Variants in RBFOX1 observed in about 807,000 individuals in gnomAD.
The protein encoded by RBFOX1 is RNA binding fox-1 homolog 1.
In RBFOX1, 8 loss-of-function variants were observed where a neutral mutation model predicts 57.7. The ratio of observed to expected loss-of-function variants is 0.14; its 90% CI spans 0.08 to 0.25. RBFOX1 has a LOEUF of 0.25. Ranked by LOEUF, RBFOX1 falls within the 10% of genes least tolerant of loss-of-function variation. The pLI is 1.00. For missense variants in RBFOX1, 611 were observed against 548.5 expected, an observed-to-expected ratio of 1.11 and a Z score of -1.14; for synonymous variants, 326 against 222.4, an observed-to-expected ratio of 1.47 and a Z score of -4.15.
At chr16:7,130,032 A>AC (rs764446227) in intron 4 of RBFOX1, among the ~76,000 whole-genome samples, 4 of 133,414 alleles carry the variant, frequency 3.0e-5, no homozygotes, top group Non-Finnish European at 6.4e-5. Flanking sequence ...ATTTTTGAAG[A>AC]TTTTTTTTTT....
In RBFOX1 at chr16:5,895,962, A is replaced by G. The variant is rs146420493; in HGVS notation, c.351+28627A>G. ...TCTGTATTCCTGAGCTTTCCAGGAAAGAGGGATGTGAAGGGAGGAGGAAGT... is the reference window on the plus strand; with the variant it reads ...TCTGTATTCCTGAGCTTTCCAGGAAGGAGGGATGTGAAGGGAGGAGGAAGT... On this transcript the variant is annotated intron_variant, in intron 4 of 19. Coordinates refer to the RBFOX1 transcript ENST00000641259. Among the ~76,000 whole-genome samples, 400 of 152,334 alleles carry G rather than the reference A, an allele frequency of 2.6e-3. 2 individuals carry two copies. The highest frequency in any genetic ancestry group is 9.3e-3 in the African/African-American group (387 of 41,574).
intron 10 of RBFOX1, among the ~76,000 whole-genome samples, chr16:7,612,498 G>A (rs11640652): frequency 0.55 from 83,534 of 151,150 alleles, 24,599 homozygotes; most frequent in East Asian, 0.83. Flanking sequence ...CAGGCCTCAT[G>A]TTATCTAGTG....
chr16:7,385,395 G>A (rs1427488164), intron 4 of RBFOX1, among the ~76,000 whole-genome samples: 1 of 152,164 alleles, frequency 6.6e-6, no homozygotes, highest in Non-Finnish European at 1.5e-5. Flanking sequence ...TTAACAGGCA[G>A]ATCTGGGAAA....
At chr16:7,231,143 A>G (rs1057280661) in intron 4 of RBFOX1, among the ~76,000 whole-genome samples, 8 of 152,218 alleles carry the variant, frequency 5.3e-5, no homozygotes, top group African/African-American at 1.7e-4. Context: ...TTTTGTCTCC[A>G]TGGTAGACAA....
intron 3 of RBFOX1, among the ~76,000 whole-genome samples, chr16:6,892,307 G>T (rs77856060): frequency 6.6e-6 from 1 of 152,070 alleles, no homozygotes; most frequent in African/African-American, 2.4e-5. Context: ...TAAAGTACTG[G>T]ATCTCTCTAA....
chr16:6,585,074 G>A (rs1347942223), intron 2 of RBFOX1, among the ~76,000 whole-genome samples: 1 of 152,192 alleles, frequency 6.6e-6, no homozygotes, highest in African/African-American at 2.4e-5. Context: ...GACACAGAGA[G>A]CTTGGCATCT....
chr16:7,151,311 C>G (rs535575342), intron 4 of RBFOX1, among the ~76,000 whole-genome samples: 14 of 152,162 alleles, frequency 9.2e-5, no homozygotes, highest in African/African-American at 4.8e-5. Context: ...AAACCAAATT[C>G]CAACGTATTT....
intron 4 of RBFOX1, among the ~76,000 whole-genome samples, chr16:7,444,876 G>T (rs894765102): frequency 6.6e-6 from 1 of 152,132 alleles, no homozygotes; most frequent in Non-Finnish European, 1.5e-5. Context: ...GGGTCTGGGT[G>T]AATGCAGATA....
chr16:5,681,769 T>G (rs2050347291), intron 3 of RBFOX1, among the ~76,000 whole-genome samples: 1 of 152,092 alleles, frequency 6.6e-6, no homozygotes. Flanking sequence ...TCAGGCATTT[T>G]TAACAACATG....
At chr16:7,203,561 G>C (rs76537185) in intron 4 of RBFOX1, among the ~76,000 whole-genome samples, 1 of 152,208 alleles carries the variant, frequency 6.6e-6, no homozygotes, top group Non-Finnish European at 1.5e-5. Context: ...TGTTACCACT[G>C]TGAGGAATTG....
intron 3 of RBFOX1, among the ~76,000 whole-genome samples, chr16:6,676,673 C>CTTTTTTTTTTTT (rs756578276): frequency 2.9e-5 from 3 of 103,548 alleles, no homozygotes; most frequent in Non-Finnish European, 5.7e-5. Context: ...TTTTTCTTTT[C>CTTTTTTTTTTTT]TTTTTTTTTT....
intron 2 of RBFOX1, among the ~76,000 whole-genome samples, chr16:6,644,336 C>G (rs905968587): frequency 2.0e-5 from 3 of 152,182 alleles, no homozygotes; most frequent in Non-Finnish European, 4.4e-5. Flanking sequence ...ACCTTGAATG[C>G]TTTTTGGAGT....
chr16:6,914,745 G>A (rs2072674257), intron 3 of RBFOX1, among the ~76,000 whole-genome samples: 1 of 152,080 alleles, frequency 6.6e-6, no homozygotes, highest in Non-Finnish European at 1.5e-5. Context: ...ATGGTGGTGT[G>A]CACCTGTAGT....
chr16:5,838,311 C>A (rs1022196062), intron 3 of RBFOX1: 1 of 215,926 alleles, frequency 4.6e-6, no homozygotes, highest in Non-Finnish European at 1.0e-5. Flanking sequence ...TCCACATGTA[C>A]ACCTGCACAG....
chr16:7,299,412 A>T (rs974334101), intron 4 of RBFOX1, among the ~76,000 whole-genome samples: 1 of 152,140 alleles, frequency 6.6e-6, no homozygotes, highest in African/African-American at 2.4e-5. Flanking sequence ...TCCTGGACTC[A>T]CTGACAACCC....
At chr16:5,299,148 C>G (rs2063746225) in intron 1 of RBFOX1, among the ~76,000 whole-genome samples, 1 of 151,738 alleles carries the variant, frequency 6.6e-6, no homozygotes, top group Non-Finnish European at 1.5e-5. Flanking sequence ...TTAAATTTGC[C>G]ACTTCTTGGG....
intron 3 of RBFOX1, among the ~76,000 whole-genome samples, chr16:5,651,123 G>C (rs967030451): frequency 7.7e-6 from 1 of 130,666 alleles, no homozygotes; most frequent in African/African-American, 2.9e-5. Flanking sequence ...CGTGATCTCA[G>C]GTCACTGCAA....
At chr16:7,428,496 TA>T (rs1371772801) in intron 4 of RBFOX1, among the ~76,000 whole-genome samples, 51 of 98,862 alleles carry the variant, frequency 5.2e-4, no homozygotes, top group South Asian at 3.7e-3. Flanking sequence ...CTGGCTATTT[TA>T]TTATTATTAT....
At chr16:6,645,348 G>A (rs745530389) in intron 2 of RBFOX1, among the ~76,000 whole-genome samples, 1 of 152,100 alleles carries the variant, frequency 6.6e-6, no homozygotes, top group East Asian at 1.9e-4. Flanking sequence ...CCCCGTGCTG[G>A]CTACTCACTT....
Sources: gnomAD v4.1 joint callset for allele counts (sites outside exome capture counted in the v4.1 genomes callset) on GRCh38, gnomAD v4.1.1 for gene constraint, MANE v1.5 for transcripts, NCBI Gene and HGNC (gene_info 2026-07-23, HGNC 2026-07-21) for gene names.